GPHN: variants seen among roughly 807,000 people sequenced by gnomAD.
The protein encoded by GPHN is gephyrin.
A neutral mutation model predicts 95.5 loss-of-function variants in GPHN; 17 were observed. The ratio of observed to expected loss-of-function variants is 0.18; its 90% CI spans 0.12 to 0.27. The LOEUF (loss-of-function observed/expected upper bound fraction) is 0.27. Among genes scored for constraint, GPHN ranks in the 10% least tolerant of loss-of-function variants. The pLI is 1.00. For missense variants in GPHN, 660 were observed against 978.1 expected (o/e 0.67, Z 4.34); for synonymous variants, 320 against 322.5 (o/e 0.99, Z 0.08).
chr14:67,595,013 T>C, the GPHN span, among the ~76,000 whole-genome samples: 6 of 151,968 alleles, frequency 3.9e-5, no homozygotes, highest in Non-Finnish European at 8.8e-5. Flanking sequence ...GGCAGGCACC[T>C]GTAGTCCCAG....
At chr14:67,383,474 CAG>C in the GPHN span, 1 of 1,609,296 alleles carries the variant, frequency 6.2e-7, no homozygotes, top group South Asian at 1.1e-5. Context: ...TTAAGGAACA[CAG>C]AGCAGCGCTT....
the GPHN span, chr14:67,199,834 C>G: frequency 1.3e-6 from 2 of 1,497,740 alleles, no homozygotes; most frequent in Non-Finnish European, 1.8e-6. Context: ...CTGGGATACC[C>G]CCAGCCATGC....
the GPHN span, chr14:67,574,316 C>A: frequency 6.2e-7 from 1 of 1,605,510 alleles, no homozygotes; most frequent in Non-Finnish European, 8.5e-7. The surrounding 1 kb of genome is among the most constrained non-coding windows in gnomAD (Gnocchi z 4.2). Context: ...TCCGAGTACT[C>A]CAGAGCCTGC....
intron 1 of GPHN, among the ~76,000 whole-genome samples, chr14:66,595,912 G>A (rs2061953829): frequency 6.6e-6 from 1 of 152,192 alleles, no homozygotes; most frequent in Non-Finnish European, 1.5e-5. Context: ...GGAAGAATGA[G>A]TTATGTGGAC....
At chr14:67,533,561 C>T in the GPHN span, 1 of 151,884 alleles carries the variant, frequency 6.6e-6, no homozygotes, top group East Asian at 2.0e-4. Flanking sequence ...CGCTGGAGCG[C>T]GGGTCTGGCT....
At chr14:67,364,210 A>T in the GPHN span, 4 of 152,156 alleles carry the variant, frequency 2.6e-5, no homozygotes, top group Non-Finnish European at 5.9e-5. Context: ...TTATTTTGTG[A>T]TTAAAATTTT....
the GPHN span, among the ~76,000 whole-genome samples, chr14:67,219,020 C>T: frequency 3.3e-5 from 5 of 151,800 alleles, no homozygotes; most frequent in African/African-American, 7.3e-5. Context: ...TGGAGAGATG[C>T]GGTGGCCAGT....
the GPHN span, among the ~76,000 whole-genome samples, chr14:67,290,064 G>T: frequency 0.15 from 23,503 of 152,016 alleles, 3,426 homozygotes; most frequent in East Asian, 0.42. Context: ...GAGCCACTGT[G>T]CCTGGCCTCC....
the GPHN span, chr14:67,650,861 C>T: frequency 6.2e-7 from 1 of 1,614,148 alleles, no homozygotes; most frequent in Non-Finnish European, 8.5e-7. Context: ...TGTCTATGAC[C>T]AACTTCCTAC....
chr14:67,579,284 C>G, the GPHN span: 16 of 1,563,920 alleles, frequency 1.0e-5, no homozygotes, highest in African/African-American at 2.2e-4. Flanking sequence ...TCAGCATCCC[C>G]GTGCACTTTA....
chr14:66,629,847 A>G (rs2063720850), intron 1 of GPHN, among the ~76,000 whole-genome samples: 1 of 152,180 alleles, frequency 6.6e-6, no homozygotes, highest in East Asian at 1.9e-4. Flanking sequence ...GACTTCAATT[A>G]TACTCTATTT....
At chr14:67,519,735 T>C in the GPHN span, among the ~76,000 whole-genome samples, 4 of 152,040 alleles carry the variant, frequency 2.6e-5, no homozygotes, top group Non-Finnish European at 2.9e-5. Context: ...TTTTTACTTT[T>C]TTTTTGAGAC....
At chr14:67,702,092 C>T in the GPHN span, among the ~76,000 whole-genome samples, 14 of 152,164 alleles carry the variant, frequency 9.2e-5, no homozygotes, top group East Asian at 2.5e-3. Flanking sequence ...ATTAGGATAA[C>T]AGTCATGAAC....
At chr14:66,535,242 T>A (rs970752681) in intron 1 of GPHN, among the ~76,000 whole-genome samples, 2 of 151,894 alleles carry the variant, frequency 1.3e-5, no homozygotes, top group African/African-American at 4.8e-5. Context: ...GAAAAAAAAA[T>A]TGCCCTTAAA....
At chr14:67,100,761 A>C in intron 12 of GPHN, 95 bp from the exon 13 acceptor site, 2 of 820,344 alleles carry the variant, frequency 2.4e-6, no homozygotes, top group Non-Finnish European at 4.3e-6. Flanking sequence ...CTTATCAAAT[A>C]ATTTGAGTCA....
chr14:67,347,329 AT>A, the GPHN span: 1 of 1,184,940 alleles, frequency 8.4e-7, no homozygotes, highest in Non-Finnish European at 1.2e-6. Context: ...ATCTAGCACC[AT>A]TTTCCAGAAC....
chr14:67,673,742 T>C, the GPHN span, among the ~76,000 whole-genome samples: 34 of 152,228 alleles, frequency 2.2e-4, no homozygotes, highest in Non-Finnish European at 4.3e-4. Flanking sequence ...CCAAGAACTA[T>C]AGCAGCTTTT....
chr14:67,105,206 A>G (rs2077968349), intron 13 of GPHN, among the ~76,000 whole-genome samples: 1 of 152,088 alleles, frequency 6.6e-6, no homozygotes, highest in South Asian at 2.1e-4. Context: ...AAAATTCGAT[A>G]TAATTTTAGT....
chr14:66,920,174 A>T (rs572940433), intron 6 of GPHN, among the ~76,000 whole-genome samples: 1 of 152,300 alleles, frequency 6.6e-6, no homozygotes, highest in South Asian at 2.1e-4. Context: ...TTGACTCAGG[A>T]GGTTGGGAAC....
Sources: allele counts gnomAD v4.1 joint callset (sites outside exome capture counted in the v4.1 genomes callset), GRCh38; gene constraint gnomAD v4.1.1; non-coding constraint Gnocchi (gnomAD v3.1); transcripts MANE v1.5; gene names NCBI Gene and HGNC (gene_info 2026-07-23, HGNC 2026-07-21).